The following CHRM5 variants were observed in gnomAD, a reference collection of about 807,000 sequenced individuals.
The protein encoded by CHRM5 is cholinergic receptor muscarinic 5, also known as muscarinic acetylcholine receptor M5.
CHRM5 carries 18 observed loss-of-function variants against 39.0 expected under a neutral mutation model. The observed-to-expected ratio is 0.46, with a 90% CI of 0.32 to 0.68. The LOEUF is 0.68. Among genes scored for constraint, CHRM5 ranks in the 30% least tolerant of loss-of-function variants. CHRM5 has a pLI of 0.04. For synonymous variants in CHRM5, 241 were observed against 246.3 expected (o/e 0.98, Z 0.20); for missense variants, 515 against 651.1 (o/e 0.79, Z 2.28).
At chr15:33,983,142 G>GGGTA (rs1896230395) in intron 1 of CHRM5, among the ~76,000 whole-genome samples, 1 of 115,622 alleles carries the variant, frequency 8.6e-6, no homozygotes, top group African/African-American at 4.6e-5. Flanking sequence ...GTGTGTGTGT[G>GGGTA]TGTGTGTGTG....
chr15:34,027,544 A>T (rs1898542767), intron 1 of CHRM5, among the ~76,000 whole-genome samples: 1 of 151,564 alleles, frequency 6.6e-6, no homozygotes, highest in Non-Finnish European at 1.5e-5. Flanking sequence ...AAAAAAAAGA[A>T]AGAAAACGAA....
At chr15:33,984,224 G>A (rs181691853) in intron 1 of CHRM5, among the ~76,000 whole-genome samples, 3 of 152,160 alleles carry the variant, frequency 2.0e-5, no homozygotes, top group Admixed American at 2.0e-4. Context: ...TGGGTAGAAA[G>A]TACACGGAAA....
intron 1 of CHRM5, among the ~76,000 whole-genome samples, chr15:33,984,169 G>C (rs1366328721): frequency 6.6e-6 from 1 of 152,024 alleles, no homozygotes; most frequent in Admixed American, 6.6e-5. Flanking sequence ...TCTTAGTTTT[G>C]ATAAAGATAC....
At chr15:34,039,919 C>T (rs887061638) in intron 1 of CHRM5, among the ~76,000 whole-genome samples, 1 of 152,086 alleles carries the variant, frequency 6.6e-6, no homozygotes, top group Admixed American at 6.6e-5. Flanking sequence ...CTTCTTTCAA[C>T]CAAGGAGAAA....
intron 1 of CHRM5, among the ~76,000 whole-genome samples, chr15:34,023,797 C>T (rs1342231239): frequency 6.6e-6 from 1 of 152,180 alleles, no homozygotes; most frequent in Non-Finnish European, 1.5e-5. Flanking sequence ...CTAATCTATA[C>T]ACCTTCAGGC....
chr15:34,050,320 C>G (rs1216036878), intron 2 of CHRM5, among the ~76,000 whole-genome samples: 1 of 152,176 alleles, frequency 6.6e-6, no homozygotes, highest in Non-Finnish European at 1.5e-5. Flanking sequence ...ATTGGGCCTG[C>G]CTTGCAAGAG....
At chr15:34,037,667 C>T (rs1049448627) in intron 1 of CHRM5, among the ~76,000 whole-genome samples, 1 of 151,196 alleles carries the variant, frequency 6.6e-6, no homozygotes, top group African/African-American at 2.4e-5. Flanking sequence ...GTAAACTGAC[C>T]CTAAAAATGT....
chr15:34,032,010 T>C (rs1334305380), intron 1 of CHRM5, among the ~76,000 whole-genome samples: 3 of 106,156 alleles, frequency 2.8e-5, no homozygotes, highest in African/African-American at 8.5e-5. Context: ...AACACACACA[T>C]ACGCGCGCAC....
chr15:33,978,944 A>T (rs1428106468), intron 1 of CHRM5, among the ~76,000 whole-genome samples: 1 of 151,920 alleles, frequency 6.6e-6, no homozygotes, highest in Non-Finnish European at 1.5e-5. Context: ...AAAAGTAAGG[A>T]GTAGGGGTAG....
At chr15:34,037,134 A>G (rs1230828706) in intron 1 of CHRM5, among the ~76,000 whole-genome samples, 1 of 151,790 alleles carries the variant, frequency 6.6e-6, no homozygotes, top group African/African-American at 2.4e-5. Context: ...AATATATACC[A>G]TCATTTCACC....
chr15:34,052,872 C>G (rs570214065), intron 2 of CHRM5, among the ~76,000 whole-genome samples: 3 of 152,242 alleles, frequency 2.0e-5, no homozygotes, highest in South Asian at 4.2e-4. Flanking sequence ...AAAAACATCC[C>G]ATGCTCATGG....
In CHRM5 at chr15:34,063,233, G is replaced by C. The variant is rs2140847485; in HGVS notation, c.516G>C (p.Leu172Phe). The C allele has an allele frequency of 6.2e-7, 1 of 1,614,186 alleles. No individual in the cohort carries two copies. Among genetic ancestry groups the C allele is most frequent in the Non-Finnish European group, 8.5e-7 (1 of 1,180,036 alleles). ...WAPAILCWQY[L>F]VGKRTVPLDE... ...CAGCAATCCTCTGCTGGCAGTACTT[G>C]GTTGGGAAGCGGACAGTTCCACTGG... The change falls in exon 3 of 3, where the codon TTG (leucine) becomes TTC (phenylalanine). Residue 172 changes from leucine (L) to phenylalanine (F), a missense_variant. Physicochemically the swap from Leu to Phe is conservative, Grantham distance 22. Coordinates refer to ENST00000383263, the MANE Select transcript of CHRM5 (RefSeq NM_012125.4). The surrounding 1 kb of genome is among the most constrained non-coding windows in gnomAD (Gnocchi z 4.1).
At chr15:34,038,102 C>G (rs1011476617) in intron 1 of CHRM5, among the ~76,000 whole-genome samples, 8 of 152,136 alleles carry the variant, frequency 5.3e-5, no homozygotes, top group South Asian at 2.1e-4. Context: ...TATTAAAACT[C>G]AGAACTTGAC....
chr15:34,017,811 C>CTCCAT (rs997706540), intron 1 of CHRM5, among the ~76,000 whole-genome samples: 8 of 152,112 alleles, frequency 5.3e-5, no homozygotes, highest in African/African-American at 1.9e-4. Context: ...TTATTAAAAA[C>CTCCAT]TCCATTGTCT....
intron 1 of CHRM5, among the ~76,000 whole-genome samples, chr15:34,034,398 A>G (rs1355810018): frequency 6.6e-6 from 1 of 151,710 alleles, no homozygotes; most frequent in African/African-American, 2.4e-5. Flanking sequence ...CTTTGCTCAC[A>G]CTACTGCACT....
intron 2 of CHRM5, among the ~76,000 whole-genome samples, chr15:34,047,106 C>A (rs1899727284): frequency 6.7e-6 from 1 of 148,992 alleles, no homozygotes; most frequent in Admixed American, 6.7e-5. Flanking sequence ...GAGACGGAGT[C>A]TCGTTCTGTC....
Position 34,011,347 on chromosome 15 carries a change from T to C in CHRM5, c.-407-35193T>C, listed in dbSNP as rs145251303. 2.7e-3 allele frequency among the ~76,000 whole-genome samples: 413 copies of C among 152,338 alleles called. 2 individuals are homozygous for C. The highest frequency in any genetic ancestry group is 9.6e-3 in the African/African-American group (401 of 41,574). Reference sequence around the variant, plus strand: ...AAAAAAGGGCGTTTCCATTTGTCTTTGTGTATTAAATAAAATATATGTTGT... The same window carrying C: ...AAAAAAGGGCGTTTCCATTTGTCTTCGTGTATTAAATAAAATATATGTTGT... On this transcript the variant is annotated intron_variant, in intron 1 of 2. Coordinates refer to ENST00000383263, the MANE Select transcript of CHRM5 (RefSeq NM_012125.4).
At chr15:33,985,781 T>C (rs489619) in intron 1 of CHRM5, among the ~76,000 whole-genome samples, 142,156 of 152,102 alleles carry the variant, frequency 0.93, 67,036 homozygotes, top group Non-Finnish European at 1. Context: ...TCTGTGGCCA[T>C]GTACGCAGTC....
chr15:34,051,493 G>C (rs552488255), intron 2 of CHRM5, among the ~76,000 whole-genome samples: 3 of 152,290 alleles, frequency 2.0e-5, no homozygotes, highest in Admixed American at 2.0e-4. Context: ...ACTAAGATCA[G>C]AGTTGAACTG....
Sources: allele counts gnomAD v4.1 joint callset (sites outside exome capture counted in the v4.1 genomes callset), GRCh38; gene constraint gnomAD v4.1.1; non-coding constraint Gnocchi (gnomAD v3.1); transcripts MANE v1.5; gene names NCBI Gene and HGNC (gene_info 2026-07-23, HGNC 2026-07-21).